ADAMTSL1: variants seen among roughly 807,000 people sequenced by gnomAD.
ADAMTSL1 encodes the protein ADAMTS-like protein 1.
In ADAMTSL1, 126 loss-of-function variants were observed where a neutral mutation model predicts 201.8. That is an observed-to-expected ratio of 0.62 (90% CI 0.54 to 0.72). The LOEUF (loss-of-function observed/expected upper bound fraction) is 0.72. Among genes scored for constraint, ADAMTSL1 ranks in the 30% least tolerant of loss-of-function variants. The pLI, the probability that ADAMTSL1 is intolerant of heterozygous loss-of-function variation, is 0.00. For missense variants in ADAMTSL1, 2,679 were observed against 2,277.8 expected (o/e 1.18, Z -3.59); for synonymous variants, 1,121 against 903.4 (o/e 1.24, Z -4.32).
At chr9:18,351,608 G>A (rs1235987335) in intron 2 of ADAMTSL1, among the ~76,000 whole-genome samples, 1 of 152,104 alleles carries the variant, frequency 6.6e-6, no homozygotes, top group African/African-American at 2.4e-5. Flanking sequence ...GCCAACAGGG[G>A]AAAGAACTCT....
At chr9:18,836,636 A>G (rs534083000) in intron 23 of ADAMTSL1, among the ~76,000 whole-genome samples, 1 of 152,252 alleles carries the variant, frequency 6.6e-6, no homozygotes, top group African/African-American at 2.4e-5. Flanking sequence ...TCTGTGAAAA[A>G]TGAGGTTGAT....
At chr9:18,560,294 A>G (rs139060336) in intron 3 of ADAMTSL1, among the ~76,000 whole-genome samples, 2,873 of 152,276 alleles carry the variant, frequency 0.019, 97 homozygotes, top group African/African-American at 0.066. Context: ...GGTTCTGTTT[A>G]TGTGATGGAT....
At chr9:18,366,710 C>T (rs1836785687) in intron 2 of ADAMTSL1, among the ~76,000 whole-genome samples, 1 of 139,920 alleles carries the variant, frequency 7.1e-6, no homozygotes, top group African/African-American at 2.7e-5. Flanking sequence ...AGTGCAGTGG[C>T]ACCATCTCAG....
chr9:18,331,460 A>C (rs1055765873), intron 2 of ADAMTSL1, among the ~76,000 whole-genome samples: 1 of 152,180 alleles, frequency 6.6e-6, no homozygotes, highest in African/African-American at 2.4e-5. Context: ...ACCTTAGTAT[A>C]ATTCAGTCTG....
At chr9:18,570,119 GA>G (rs1418959388) in intron 3 of ADAMTSL1, among the ~76,000 whole-genome samples, 1 of 151,864 alleles carries the variant, frequency 6.6e-6, no homozygotes, top group East Asian at 1.9e-4. Context: ...AGCACTTAGG[GA>G]GGCAGAGGTG....
chr9:18,883,005 A>C (rs945870779), intron 23 of ADAMTSL1, among the ~76,000 whole-genome samples: 8 of 151,872 alleles, frequency 5.3e-5, no homozygotes, highest in Non-Finnish European at 1.0e-4. Context: ...AAAAAAAAAA[A>C]AAAAAGAGGA....
At chr9:18,224,928 C>T (rs1830390382) in intron 2 of ADAMTSL1, among the ~76,000 whole-genome samples, 1 of 151,910 alleles carries the variant, frequency 6.6e-6, no homozygotes, top group South Asian at 2.1e-4. Context: ...TAATTTTTTC[C>T]CATTTTTTTC....
intron 1 of ADAMTSL1, among the ~76,000 whole-genome samples, chr9:18,119,978 T>C (rs1463219318): frequency 6.6e-6 from 1 of 152,216 alleles, no homozygotes; most frequent in Admixed American, 6.5e-5. Context: ...CATGTATTTG[T>C]TTCCTCTTGC....
chr9:18,836,686 G>C (rs1001458554), intron 23 of ADAMTSL1, among the ~76,000 whole-genome samples: 6 of 152,084 alleles, frequency 3.9e-5, no homozygotes, highest in Non-Finnish European at 7.3e-5. Flanking sequence ...GATTGCCTTG[G>C]GCAGTATGGC....
chr9:18,109,545 G>T (rs1185807659), intron 1 of ADAMTSL1, among the ~76,000 whole-genome samples: 2 of 152,146 alleles, frequency 1.3e-5, no homozygotes, highest in Non-Finnish European at 2.9e-5. Flanking sequence ...TTAAGGCATG[G>T]CCATGTGGTC....
At chr9:18,697,114 C>T (rs1159166352) in intron 13 of ADAMTSL1, among the ~76,000 whole-genome samples, 3 of 151,698 alleles carry the variant, frequency 2.0e-5, no homozygotes, top group Non-Finnish European at 4.4e-5. Context: ...CATCTCTTGA[C>T]CTCGTGATCT....
At chr9:18,807,573 G>A (rs1387223504) in intron 20 of ADAMTSL1, among the ~76,000 whole-genome samples, 1 of 150,896 alleles carries the variant, frequency 6.6e-6, no homozygotes, top group South Asian at 2.1e-4. Flanking sequence ...GTGAACCCGG[G>A]AGGCGGAGCT....
rs552978859 is a variant in ADAMTSL1 at position 17,914,648 on chromosome 9, CA to C, written c.87+7727del. On this transcript the variant is annotated intron_variant, in intron 1 of 29. Coordinates refer to the ADAMTSL1 transcript ENST00000680146. ...GCCCTCTCTCACCACTCCTATTCAA[CA>C]TAGTGTTGGAAGTTCTGGCCAGGGC... 1.2e-3 allele frequency among the ~76,000 whole-genome samples: 178 copies of C among 151,648 alleles called. 1 individual carries two copies. Among genetic ancestry groups the C allele is most frequent in the African/African-American group, 4.0e-3 (166 of 41,338 alleles).
intron 19 of ADAMTSL1, among the ~76,000 whole-genome samples, chr9:18,794,991 A>T (rs1159018035): frequency 1.3e-5 from 2 of 151,906 alleles, no homozygotes; most frequent in Non-Finnish European, 2.9e-5. Flanking sequence ...CAACCATCCA[A>T]CCAAGCTCCA....
intron 2 of ADAMTSL1, among the ~76,000 whole-genome samples, chr9:18,508,632 C>T (rs1209349146): frequency 1.3e-5 from 2 of 152,258 alleles, no homozygotes; most frequent in Non-Finnish European, 2.9e-5. Flanking sequence ...TAGCTTTCAG[C>T]TATCAAAGTT....
At chr9:18,171,428 T>C (rs1827884444) in intron 2 of ADAMTSL1, among the ~76,000 whole-genome samples, 1 of 152,076 alleles carries the variant, frequency 6.6e-6, no homozygotes, top group African/African-American at 2.4e-5. Flanking sequence ...TAAATTATAT[T>C]AACATTTTAA....
intron 1 of ADAMTSL1, among the ~76,000 whole-genome samples, chr9:18,128,981 C>T (rs748153806): frequency 6.6e-6 from 1 of 152,146 alleles, no homozygotes; most frequent in South Asian, 2.1e-4. Context: ...TCTATAAAGT[C>T]TTCTATAAAA....
chr9:18,232,508 CT>C (rs1323744607), intron 2 of ADAMTSL1, among the ~76,000 whole-genome samples: 2 of 152,090 alleles, frequency 1.3e-5, no homozygotes, highest in Non-Finnish European at 2.9e-5. Context: ...ATGTTTGTCC[CT>C]TTTTTTCGCT....
chr9:18,845,663 C>G (rs1435192234), intron 23 of ADAMTSL1, among the ~76,000 whole-genome samples: 6 of 152,224 alleles, frequency 3.9e-5, no homozygotes, highest in Admixed American at 3.9e-4. Context: ...CTGAGAATTG[C>G]AGAACCCAGC....
Sources: gnomAD v4.1 joint callset for allele counts (sites outside exome capture counted in the v4.1 genomes callset) on GRCh38, gnomAD v4.1.1 for gene constraint, MANE v1.5 for transcripts, NCBI Gene and HGNC (gene_info 2026-07-23, HGNC 2026-07-21) for gene names.